The following AFAP1 variants were observed in gnomAD, a reference collection of about 807,000 sequenced individuals.
AFAP1 encodes the protein actin filament associated protein 1.
In AFAP1, 75 loss-of-function variants were observed where a neutral mutation model predicts 93.9. The ratio of observed to expected loss-of-function variants is 0.80; its 90% CI spans 0.66 to 0.97. The LOEUF is 0.97. AFAP1 is among the 50% of genes least tolerant of loss of function. The pLI is 0.00. For synonymous variants in AFAP1, 517 were observed against 430.7 expected, an observed-to-expected ratio of 1.20 and a Z score of -2.48; for missense variants, 1,201 against 1,050.8, an observed-to-expected ratio of 1.14 and a Z score of -1.98.
rs28474880 is a variant in AFAP1 at position 7,856,101 on chromosome 4, T to G, written c.226-527A>C. On this transcript the variant is annotated intron_variant, in intron 3 of 17. Transcript: ENST00000420658. ...GAGCCACACTGGCTGAGTGCACGAG[T>G]GAGGCTTGCCCACATTCTCACCATA... 5.8e-3 allele frequency among the ~76,000 whole-genome samples: 883 copies of G among 152,190 alleles called. 9 individuals carry two copies. The highest frequency in any genetic ancestry group is 0.021 in the African/African-American group (860 of 41,506).
rs552211338 is a variant in AFAP1, at chr4:7,879,699, CTTT to C, written c.-2-7622_-2-7620del. On this transcript the variant is annotated intron_variant, in intron 1 of 17. Coordinates refer to ENST00000420658, the MANE Select transcript of AFAP1 (RefSeq NM_001134647.2). ...CTAATTAATTATCTCTGCTTGCTTG[CTTT>C]TTTTTTTTTTTTTTTGTGAGACAGG... Among the ~76,000 whole-genome samples the C allele has an allele frequency of 3.1e-3, 377 of 121,702 alleles. 2 individuals are homozygous for C. Among genetic ancestry groups the C allele is most frequent in the African/African-American group, 0.011 (359 of 32,612 alleles). The allele number at this position is 121,702 out of a possible 152,430, so 79.8% of individuals were successfully genotyped here. A position where few individuals can be genotyped will look rare whatever the true frequency, so the allele number is the denominator to read the frequency against.
intron 7 of AFAP1, 81 bp downstream of exon 7, chr4:7,818,993 TCA>T (rs1720722443): frequency 2.9e-5 from 37 of 1,277,984 alleles, no homozygotes; most frequent in Non-Finnish European, 3.6e-5. Context: ...GCTGAAATTC[TCA>T]GAGATTGTTA....
chr4:7,852,730 G>T (rs1714592690), intron 4 of AFAP1, among the ~76,000 whole-genome samples: 1 of 152,126 alleles, frequency 6.6e-6, no homozygotes, highest in Admixed American at 6.5e-5. Context: ...CACTGACCAG[G>T]TGTGGAGACG....
intron 1 of AFAP1, among the ~76,000 whole-genome samples, chr4:7,905,787 C>T (rs982845440): frequency 3.9e-5 from 6 of 152,212 alleles, no homozygotes; most frequent in Admixed American, 3.9e-4. Flanking sequence ...ACAATCACAA[C>T]CTTCACACAG....
chr4:7,843,648 C>T, intron 4 of AFAP1: 1 of 302,732 alleles, frequency 3.3e-6, no homozygotes, highest in South Asian at 3.8e-5. Context: ...CTCCTCACCA[C>T]ATTCTTGCAG....
At chr4:7,794,033 A>T (rs1217911808) in intron 10 of AFAP1, among the ~76,000 whole-genome samples, 1 of 152,216 alleles carries the variant, frequency 6.6e-6, no homozygotes, top group Non-Finnish European at 1.5e-5. Context: ...GATTACACCA[A>T]AGGTGAATGA....
chr4:7,833,979 TA>T (rs940856159), intron 6 of AFAP1, among the ~76,000 whole-genome samples: 2 of 151,648 alleles, frequency 1.3e-5, no homozygotes, highest in African/African-American at 2.4e-5. Flanking sequence ...GAAGGCATTA[TA>T]AAAAAAATAC....
chr4:7,866,411 GTCTTGAAC>G, intron 3 of AFAP1, among the ~76,000 whole-genome samples: 1 of 152,208 alleles, frequency 6.6e-6, no homozygotes, highest in East Asian at 1.9e-4. Flanking sequence ...GCCCAGGCTA[GTCTTGAAC>G]TCCTGAGCTC....
intron 7 of AFAP1, among the ~76,000 whole-genome samples, chr4:7,817,838 A>C (rs1396069582): frequency 6.6e-6 from 1 of 151,608 alleles, no homozygotes; most frequent in Non-Finnish European, 1.5e-5. Flanking sequence ...CCTTGAACTC[A>C]GGAAAGAGTG....
At chr4:7,807,070 A>G (rs918120540) in intron 9 of AFAP1, among the ~76,000 whole-genome samples, 1 of 152,192 alleles carries the variant, frequency 6.6e-6, no homozygotes, top group African/African-American at 2.4e-5. Context: ...CAAGCCATAC[A>G]AGCTCTCTGA....
At chr4:7,935,346 C>A (rs1356412318) in intron 1 of AFAP1, among the ~76,000 whole-genome samples, 3 of 152,192 alleles carry the variant, frequency 2.0e-5, no homozygotes, top group Non-Finnish European at 4.4e-5. Context: ...AGTAGGGCCA[C>A]ATATCGAATT....
At chr4:7,856,990 T>C (rs1200752405) in intron 3 of AFAP1, among the ~76,000 whole-genome samples, 1 of 152,176 alleles carries the variant, frequency 6.6e-6, no homozygotes, top group East Asian at 1.9e-4. Flanking sequence ...AATCAGACAC[T>C]AGTAACTGCC....
At chr4:7,870,216 C>A (rs951698860) in intron 2 of AFAP1, among the ~76,000 whole-genome samples, 1 of 152,120 alleles carries the variant, frequency 6.6e-6, no homozygotes, top group Non-Finnish European at 1.5e-5. Context: ...GGGCCAGAAT[C>A]AAAAAGGCAG....
At position 7,939,286 on chromosome 4, in the gene AFAP1, C is replaced by A. The variant is rs966328503; in HGVS notation, c.-3+370G>T. On this transcript the variant is annotated intron_variant, in intron 1 of 17. Transcript: ENST00000420658. The surrounding 1 kb of genome is among the most constrained non-coding windows in gnomAD (Gnocchi z 5.6). Reference sequence around the variant, plus strand: ...CTACGGGGGAGGGCGGCGGAGCCTCCCACTCTTGGTGACCCGGACCCCGCC... The same window carrying A: ...CTACGGGGGAGGGCGGCGGAGCCTCACACTCTTGGTGACCCGGACCCCGCC... The A allele has an allele frequency of 3.2e-6, 1 of 310,806 alleles. No individual in the cohort carries two copies. Among genetic ancestry groups the A allele is most frequent in the Non-Finnish European group, 6.5e-6 (1 of 154,370 alleles). The allele number at this position is 310,806 out of a possible 1,614,324, so 19.3% of individuals were successfully genotyped here.
intron 3 of AFAP1, among the ~76,000 whole-genome samples, chr4:7,868,222 A>C (rs1025834210): frequency 6.6e-6 from 1 of 152,186 alleles, no homozygotes; most frequent in Non-Finnish European, 1.5e-5. Flanking sequence ...ATGACTATTA[A>C]AGTTTCACAA....
rs537101650 is a variant in AFAP1, at chr4:7,908,491, T to C, written c.-3+31165A>G. Among the ~76,000 whole-genome samples the C allele has an allele frequency of 1.1e-4, 16 of 152,332 alleles. No homozygotes were observed. In the South Asian group the frequency reaches 3.3e-3, roughly 32 times the overall value. The stretch of plus-strand genomic sequence containing the variant: ...ATATTTTAAACTTGTATTAACAAAA[T>C]TGATTTAATTGATTTAATAAGTTTA... On this transcript the variant is annotated intron_variant, in intron 1 of 17. Transcript: ENST00000420658.
chr4:7,863,801 C>T (rs1041308672), intron 3 of AFAP1, among the ~76,000 whole-genome samples: 1 of 152,140 alleles, frequency 6.6e-6, no homozygotes, highest in African/African-American at 2.4e-5. Context: ...TAATACAAAA[C>T]ACTATAACAA....
At chr4:7,825,501 AAAG>A (rs1188499859) in intron 6 of AFAP1, among the ~76,000 whole-genome samples, 1 of 152,262 alleles carries the variant, frequency 6.6e-6, no homozygotes, top group Admixed American at 6.5e-5. Flanking sequence ...ACCATTAGTC[AAAG>A]AAGAAATCAA....
chr4:7,798,955 G>C, intron 10 of AFAP1: 1 of 986,708 alleles, frequency 1.0e-6, no homozygotes, highest in Non-Finnish European at 1.2e-6. Flanking sequence ...TGCTGTCAGA[G>C]CTCTCATGGG....
Sources: allele counts gnomAD v4.1 joint callset (sites outside exome capture counted in the v4.1 genomes callset), GRCh38; gene constraint gnomAD v4.1.1; non-coding constraint Gnocchi (gnomAD v3.1); transcripts MANE v1.5; gene names NCBI Gene and HGNC (gene_info 2026-07-23, HGNC 2026-07-21).